PRKCA: variants seen among roughly 807,000 people sequenced by gnomAD.
The protein encoded by PRKCA is protein kinase C alpha type.
In PRKCA, 27 loss-of-function variants were observed where a neutral mutation model predicts 87.0. The observed-to-expected ratio is 0.31, with a 90% confidence interval of 0.23 to 0.43. The LOEUF (loss-of-function observed/expected upper bound fraction) is 0.43. Ranked by LOEUF, PRKCA falls within the 20% of genes least tolerant of loss-of-function variation. The pLI, the probability that PRKCA is intolerant of heterozygous loss-of-function variation, is 1.00. For synonymous variants in PRKCA, 329 were observed against 311.1 expected, an observed-to-expected ratio of 1.06 and a Z score of -0.61; for missense variants, 518 against 852.3, an observed-to-expected ratio of 0.61 and a Z score of 4.88.
chr17:66,711,634 C>T (rs954369563), intron 8 of PRKCA, among the ~76,000 whole-genome samples: 2 of 152,110 alleles, frequency 1.3e-5, no homozygotes, highest in African/African-American at 4.8e-5. Flanking sequence ...TTAAAATCAG[C>T]CCAAGATTGT....
intron 2 of PRKCA, among the ~76,000 whole-genome samples, chr17:66,346,764 C>T (rs1478572678): frequency 6.6e-6 from 1 of 152,128 alleles, no homozygotes; most frequent in African/African-American, 2.4e-5. Flanking sequence ...TGCAGTGACT[C>T]ACGCTTGTAA....
chr17:66,756,900 T>C (rs747779847), intron 13 of PRKCA, among the ~76,000 whole-genome samples: 54 of 152,274 alleles, frequency 3.5e-4, no homozygotes, highest in Non-Finnish European at 6.0e-4. Context: ...TGACCTCAAG[T>C]GTTCCGCCTG....
At chr17:66,340,631 A>G (rs1478349153) in intron 2 of PRKCA, among the ~76,000 whole-genome samples, 2 of 152,140 alleles carry the variant, frequency 1.3e-5, no homozygotes, top group African/African-American at 2.4e-5. Context: ...ATTAGAGCCT[A>G]TGTATTAGAA....
At position 66,590,119 on chromosome 17, in the gene PRKCA, C is replaced by T. The variant is rs141193494; in HGVS notation, c.289-51236C>T. On this transcript the variant is annotated intron_variant, in intron 3 of 16. Coordinates refer to ENST00000413366, the MANE Select transcript of PRKCA (RefSeq NM_002737.3). The stretch of plus-strand genomic sequence containing the variant: ...CTGGGGGTTGGGGGCCATACACTGG[C>T]AGCTGGGCAGGAGGCAGCAGGCTCA... Among the ~76,000 whole-genome samples the T allele has an allele frequency of 1.3e-4, 20 of 152,254 alleles. No homozygotes were observed. In the East Asian group the frequency reaches 3.1e-3, roughly 24 times the overall value.
chr17:66,607,163 G>T (rs1047980299), intron 3 of PRKCA, among the ~76,000 whole-genome samples: 1 of 152,190 alleles, frequency 6.6e-6, no homozygotes, highest in South Asian at 2.1e-4. Context: ...AAAAGATGCC[G>T]GCTCTCTTGG....
At chr17:66,312,542 A>G (rs1905133005) in intron 2 of PRKCA, among the ~76,000 whole-genome samples, 1 of 152,050 alleles carries the variant, frequency 6.6e-6, no homozygotes, top group African/African-American at 2.4e-5. Context: ...ACTTACCTAC[A>G]ATGCTTTCCT....
At chr17:66,520,389 G>A (rs912662960) in intron 3 of PRKCA, among the ~76,000 whole-genome samples, 7 of 152,092 alleles carry the variant, frequency 4.6e-5, no homozygotes, top group African/African-American at 1.7e-4. Context: ...CCAAAGTGCT[G>A]TGATTACAGG....
At chr17:66,621,407 G>A (rs539047057) in intron 3 of PRKCA, among the ~76,000 whole-genome samples, 25 of 152,110 alleles carry the variant, frequency 1.6e-4, no homozygotes, top group Admixed American at 3.9e-4. Flanking sequence ...CTATTTCCTC[G>A]TATTCTTTGT....
chr17:66,404,715 T>C (rs1911246748), intron 2 of PRKCA, among the ~76,000 whole-genome samples: 1 of 145,486 alleles, frequency 6.9e-6, no homozygotes, highest in African/African-American at 2.5e-5. Context: ...CACACTCCCA[T>C]GCTGGCTGCT....
intron 2 of PRKCA, among the ~76,000 whole-genome samples, chr17:66,333,139 C>T (rs1372553027): frequency 6.6e-6 from 1 of 152,210 alleles, no homozygotes; most frequent in African/African-American, 2.4e-5. Flanking sequence ...ATCTGCCATA[C>T]ATGGAAATAG....
intron 2 of PRKCA, among the ~76,000 whole-genome samples, chr17:66,366,505 C>T (rs1373414097): frequency 6.6e-6 from 1 of 152,126 alleles, no homozygotes; most frequent in Admixed American, 6.6e-5. Context: ...ACAGAGAAAA[C>T]ACAATCTGGG....
rs543833056 is a variant in PRKCA, at chr17:66,438,750, C to T, written c.206-57451C>T. Among the ~76,000 whole-genome samples the T allele has an allele frequency of 5.9e-5, 9 of 152,234 alleles. No homozygotes were observed. In the East Asian group the frequency reaches 1.7e-3, roughly 29 times the overall value. On this transcript the variant is annotated intron_variant, in intron 2 of 16. Transcript: ENST00000413366. ...AGCAAACATGTCCTTCTTTACAGCGCAGCAGGAAGGAGAATGAACGAGTGC... is the reference window on the plus strand; with the variant it reads ...AGCAAACATGTCCTTCTTTACAGCGTAGCAGGAAGGAGAATGAACGAGTGC...
intron 3 of PRKCA, among the ~76,000 whole-genome samples, chr17:66,615,974 A>G (rs1446097472): frequency 6.6e-6 from 1 of 152,208 alleles, no homozygotes; most frequent in Non-Finnish European, 1.5e-5. Flanking sequence ...TAGACCCAGA[A>G]CTAAGGCAGC....
At chr17:66,421,432 T>G (rs1009597464) in intron 2 of PRKCA, among the ~76,000 whole-genome samples, 1 of 147,028 alleles carries the variant, frequency 6.8e-6, no homozygotes, top group African/African-American at 2.5e-5. Context: ...GCCTCTGTTT[T>G]TTTTTTTTTT....
chr17:66,593,241 A>G (rs1465982726), intron 3 of PRKCA, among the ~76,000 whole-genome samples: 1 of 152,228 alleles, frequency 6.6e-6, no homozygotes, highest in Non-Finnish European at 1.5e-5. Flanking sequence ...CCCATGTAGC[A>G]GTCCTTGGTG....
chr17:66,503,671 T>C (rs1205979719), intron 3 of PRKCA, among the ~76,000 whole-genome samples: 2 of 152,208 alleles, frequency 1.3e-5, no homozygotes, highest in Non-Finnish European at 2.9e-5. Context: ...TTTTCTTTAC[T>C]ACAATCTTGA....
At chr17:66,425,549 G>GA (rs1214902310) in intron 2 of PRKCA, among the ~76,000 whole-genome samples, 1 of 152,078 alleles carries the variant, frequency 6.6e-6, no homozygotes, top group Non-Finnish European at 1.5e-5. Context: ...GCAGTCTCAT[G>GA]AAAAAAATCA....
chr17:66,346,407 T>C (rs1474481657), intron 2 of PRKCA, among the ~76,000 whole-genome samples: 2 of 136,242 alleles, frequency 1.5e-5, no homozygotes, highest in East Asian at 4.6e-4. Context: ...GAGATATCTT[T>C]TTTAAATTAA....
intron 14 of PRKCA, among the ~76,000 whole-genome samples, chr17:66,784,733 C>T (rs1238875573): frequency 1.3e-5 from 2 of 152,174 alleles, no homozygotes; most frequent in Admixed American, 6.5e-5. Context: ...ACTGTAGCTC[C>T]GTCACAGCTC....
Sources: gnomAD v4.1 joint callset for allele counts (sites outside exome capture counted in the v4.1 genomes callset) on GRCh38, gnomAD v4.1.1 for gene constraint, MANE v1.5 for transcripts, NCBI Gene and HGNC (gene_info 2026-07-23, HGNC 2026-07-21) for gene names.